Variants in AP3B1 observed in about 807,000 individuals in gnomAD.
AP3B1 encodes adaptor related protein complex 3 subunit beta 1.
In AP3B1, 61 loss-of-function variants were observed where a neutral mutation model predicts 132.5. That is an observed-to-expected ratio of 0.46 (90% CI 0.37 to 0.57). The LOEUF is 0.57. AP3B1 is among the 20% of genes least tolerant of loss of function. The probability of loss-of-function intolerance (pLI) is 0.00; values close to 1 mark genes in which losing one functional copy is unlikely to be tolerated. For synonymous variants in AP3B1, 388 were observed against 438.3 expected (o/e 0.89, Z 1.43); for missense variants, 1,120 against 1,289.4 (o/e 0.87, Z 2.01).
chr5:78,049,114 G>T (rs983251835), intron 22 of AP3B1, among the ~76,000 whole-genome samples: 1 of 152,178 alleles, frequency 6.6e-6, no homozygotes, highest in Non-Finnish European at 1.5e-5. Context: ...TAATAGAAAA[G>T]AACTTTGAGT....
rs747086403 is a variant in AP3B1 at position 78,089,468 on chromosome 5, G to C, written c.2502C>G (p.Pro834=). Residue 834 remains proline (P), a synonymous_variant, in exon 22 of 27, where the codon CCC becomes CCG. Transcript: ENST00000255194. ...TCAAACTTGGAGAAAGAGCTGGTGT[G>C]GGAAGTGCAACTGGAGTGGATACTG... ...FNPVSTPVAL[P]TPALSPSLMA... is the part of the protein sequence containing the mutation. 9 of 1,613,208 alleles carry C rather than the reference G, an allele frequency of 5.6e-6. No individual in the cohort carries two copies.
intron 24 of AP3B1, among the ~76,000 whole-genome samples, chr5:78,028,431 G>A (rs920551421): frequency 6.7e-6 from 1 of 150,226 alleles, no homozygotes; most frequent in Admixed American, 6.6e-5. Flanking sequence ...CTGGGCAACA[G>A]AGCGAGACTC....
intron 6 of AP3B1, among the ~76,000 whole-genome samples, chr5:78,216,631 A>C (rs1189795887): frequency 6.6e-6 from 1 of 152,192 alleles, no homozygotes; most frequent in African/African-American, 2.4e-5. Flanking sequence ...ACAATAACAA[A>C]GCTCACATTG....
chr5:78,148,253 T>G (rs1258403895), intron 14 of AP3B1, among the ~76,000 whole-genome samples: 2 of 152,154 alleles, frequency 1.3e-5, no homozygotes, highest in African/African-American at 4.8e-5. Context: ...TCTTCCTTTC[T>G]AAACAGGACC....
intron 9 of AP3B1, 121 bp from the exon 10 acceptor site, chr5:78,175,959 T>G (rs1375343437): frequency 1.2e-6 from 1 of 817,712 alleles, no homozygotes; most frequent in Non-Finnish European, 2.1e-6. Flanking sequence ...TTAAATGTAA[T>G]AATGAAAAGT....
chr5:78,179,269 C>T (rs1387904044), intron 8 of AP3B1, among the ~76,000 whole-genome samples: 1 of 152,148 alleles, frequency 6.6e-6, no homozygotes, highest in African/African-American at 2.4e-5. Context: ...ATCCTTTTCC[C>T]TTACAAATAA....
intron 14 of AP3B1, among the ~76,000 whole-genome samples, chr5:78,141,587 C>T (rs890372895): frequency 1.3e-5 from 2 of 152,102 alleles, no homozygotes; most frequent in African/African-American, 2.4e-5. Context: ...CTATCAGAGA[C>T]GAACAAATTC....
intron 8 of AP3B1, among the ~76,000 whole-genome samples, chr5:78,178,310 T>C (rs2112407566): frequency 6.6e-6 from 1 of 152,314 alleles, no homozygotes; most frequent in South Asian, 2.1e-4. Flanking sequence ...AAATGGCTTC[T>C]GGTTCAAAGC....
chr5:78,194,010 G>A (rs574254392), intron 7 of AP3B1, among the ~76,000 whole-genome samples: 181 of 151,480 alleles, frequency 1.2e-3, no homozygotes, highest in African/African-American at 3.9e-3. Flanking sequence ...CTCATAATCC[G>A]CCCACCTCAG....
intron 17 of AP3B1, among the ~76,000 whole-genome samples, chr5:78,119,687 A>G (rs1561420294): frequency 6.6e-6 from 1 of 152,232 alleles, no homozygotes; most frequent in Non-Finnish European, 1.5e-5. Flanking sequence ...ATGTGGGACT[A>G]TGTGAAAAGA....
At chr5:78,092,526 T>A (rs950443972) in intron 21 of AP3B1, among the ~76,000 whole-genome samples, 1 of 152,206 alleles carries the variant, frequency 6.6e-6, no homozygotes, top group African/African-American at 2.4e-5. Context: ...AAATGAAATA[T>A]CATGCCCACC....
intron 14 of AP3B1, among the ~76,000 whole-genome samples, chr5:78,149,941 T>G (rs1320176915): frequency 6.6e-6 from 1 of 151,824 alleles, no homozygotes; most frequent in African/African-American, 2.4e-5. Flanking sequence ...TTTTTTTTTT[T>G]TAGCTTTAAG....
At chr5:78,044,300 T>C (rs1055367209) in intron 22 of AP3B1, among the ~76,000 whole-genome samples, 1 of 152,258 alleles carries the variant, frequency 6.6e-6, no homozygotes, top group Non-Finnish European at 1.5e-5. Flanking sequence ...ATTCCCATGC[T>C]ACTAAGGCTA....
Position 78,216,080 on chromosome 5 carries a change from G to A in AP3B1, c.761C>T (p.Thr254Ile). The part of the protein sequence containing the change: ...IIHMLTRYAR[T>I]QFVSPWKEGD... Reference sequence around the variant, plus strand: ...CTCTTTCCAAGGGCTGACAAACTGTGTCCGAGCATATCGAGTTAGCATGTG... The same window carrying A: ...CTCTTTCCAAGGGCTGACAAACTGTATCCGAGCATATCGAGTTAGCATGTG... The change falls in exon 7 of 27, where the codon ACA (threonine) becomes ATA (isoleucine). Residue 254 changes from threonine (T) to isoleucine (I), a missense_variant. By Grantham distance (89) the Thr-to-Ile change is moderately conservative. This residue lies in a region of AP3B1 where 906 missense variants were observed against 997.1 expected (regional missense o/e 0.91). Coordinates refer to ENST00000255194, the MANE Select transcript of AP3B1 (RefSeq NM_003664.5). 6.2e-7 allele frequency: 1 copy of A among 1,614,008 alleles called. No individual in the cohort carries two copies. The highest frequency in any genetic ancestry group is 8.5e-7 in the Non-Finnish European group (1 of 1,179,904).
intron 22 of AP3B1, among the ~76,000 whole-genome samples, chr5:78,086,720 GCT>G (rs1345330376): frequency 2.0e-5 from 3 of 152,154 alleles, no homozygotes; most frequent in Non-Finnish European, 4.4e-5. Flanking sequence ...CCTCACAAAA[GCT>G]CTGTTTCCTA....
chr5:78,203,452 C>T (rs1017346679), intron 7 of AP3B1, among the ~76,000 whole-genome samples: 1 of 152,064 alleles, frequency 6.6e-6, no homozygotes, highest in Admixed American at 6.6e-5. Flanking sequence ...GAAAACTGCC[C>T]CCCATGATTC....
chr5:78,285,075 G>A (rs1334873643), intron 1 of AP3B1, among the ~76,000 whole-genome samples: 3 of 151,994 alleles, frequency 2.0e-5, no homozygotes, highest in Non-Finnish European at 2.9e-5. Flanking sequence ...GTGAAACCCC[G>A]TCTCTACTAA....
intron 21 of AP3B1, among the ~76,000 whole-genome samples, chr5:78,091,513 AG>A (rs1362931637): frequency 2.0e-5 from 3 of 152,164 alleles, no homozygotes; most frequent in Admixed American, 6.5e-5. Flanking sequence ...GGTACAGTTT[AG>A]CAAGTGTCAC....
At chr5:78,155,326 C>A (rs1438589932) in intron 14 of AP3B1, among the ~76,000 whole-genome samples, 2 of 152,186 alleles carry the variant, frequency 1.3e-5, no homozygotes, top group Non-Finnish European at 2.9e-5. Flanking sequence ...AAAGCGGTGA[C>A]ACCGGCAATT....
Sources: allele counts gnomAD v4.1 joint callset (sites outside exome capture counted in the v4.1 genomes callset), GRCh38; gene constraint gnomAD v4.1.1; regional missense constraint gnomAD v4.1.1; transcripts MANE v1.5; gene names NCBI Gene and HGNC (gene_info 2026-07-23, HGNC 2026-07-21).